CYTH2: variants seen among roughly 807,000 people sequenced by gnomAD.
The protein encoded by CYTH2 is cytohesin-2.
Under a neutral mutation model 55.4 loss-of-function variants are expected in CYTH2, and 24 were observed. The observed-to-expected ratio is 0.43, with a 90% confidence interval of 0.31 to 0.61. The LOEUF is 0.61. Among genes scored for constraint, CYTH2 ranks in the 20% least tolerant of loss-of-function variants. The probability of loss-of-function intolerance (pLI) is 0.08; values close to 1 mark genes in which losing one functional copy is unlikely to be tolerated. For synonymous variants in CYTH2, 221 were observed against 209.6 expected (o/e 1.05, Z -0.47); for missense variants, 378 against 533.5 (o/e 0.71, Z 2.87).
At chr19:48,478,172 G>A (rs1971958957) in intron 9 of CYTH2, 27 bp downstream of exon 9, 3 of 1,613,412 alleles carry the variant, frequency 1.9e-6, no homozygotes, top group Middle Eastern at 1.7e-4. Flanking sequence ...CCGGGCTCTG[G>A]GGTCCTGGGC....
rs553287257 is a variant in CYTH2, at chr19:48,472,410, A to G, written c.320A>G (p.Asn107Ser). The change falls in exon 4 of 12, where the codon AAC becomes AGC. Residue 107 changes from asparagine (N) to serine (S), a missense_variant. Asn to Ser is a conservative substitution (Grantham distance 46). Transcript: ENST00000452733. Reference sequence around the variant, plus strand: ...TTCCTGTACAAGGGCGAGGGGCTGAACAAGACAGCCATCGGGGACTACCTG... The same window carrying G: ...TTCCTGTACAAGGGCGAGGGGCTGAGCAAGACAGCCATCGGGGACTACCTG... ...ARFLYKGEGL[N>S]KTAIGDYLGE... is the part of the protein sequence containing the mutation. 26 of 1,613,906 alleles carry G rather than the reference A, an allele frequency of 1.6e-5. No homozygotes were observed. The African/African-American group carries it at 3.2e-4, about 20-fold the overall frequency.
Position 48,473,139 on chromosome 19 carries a change from T to TG in CYTH2, c.354-154dup, listed in dbSNP as rs1971838296. On this transcript the variant is annotated intron_variant, in intron 4 of 11. Transcript: ENST00000452733. ...AGTGTGTTCTGAGCATCCCCCACCC[T>TG]GGGGGCAGGCCTGTGTGGGAGTCCA... The TG allele has an allele frequency of 4.2e-6, 3 of 717,488 alleles. No homozygotes were observed. The Admixed American group carries it at 6.9e-5, about 17-fold the overall frequency. 44.4% of individuals were successfully genotyped at this position (717,488 alleles called of 1,614,324 possible).
chr19:48,475,283 C>A lies in CYTH2; in HGVS notation c.808+334C>A, dbSNP rs185882693. 414 of 289,738 alleles carry A rather than the reference C, an allele frequency of 1.4e-3. 3 individuals are homozygous for A. Among genetic ancestry groups the A allele is most frequent in the African/African-American group, 8.3e-3 (374 of 44,880 alleles). 17.9% of individuals were successfully genotyped at this position (289,738 alleles called of 1,614,324 possible). Reference sequence around the variant, plus strand: ...GAGAAGAGTTCACTCAGGCTTCTTTCCACTGCGTTAACCCAGCCCGAGGGA... The same window carrying A: ...GAGAAGAGTTCACTCAGGCTTCTTTACACTGCGTTAACCCAGCCCGAGGGA... On this transcript the variant is annotated intron_variant, in intron 8 of 11. Coordinates refer to ENST00000452733, the MANE Select transcript of CYTH2 (RefSeq NM_004228.7).
intron 3 of CYTH2, among the ~76,000 whole-genome samples, chr19:48,470,890 G>T (rs1971779610): frequency 2.0e-5 from 3 of 152,142 alleles, no homozygotes; most frequent in Admixed American, 2.0e-4. Flanking sequence ...TGCCTGGAAG[G>T]TCGTCTTCCA....
rs1971873654 is a variant in CYTH2, at chr19:48,474,691, TCTGCCTTTCACTTCC to T, written c.697-144_697-130del. 2 of 693,522 alleles carry T rather than the reference TCTGCCTTTCACTTCC, an allele frequency of 2.9e-6. No individual in the cohort carries two copies. Among genetic ancestry groups the T allele is most frequent in the Non-Finnish European group, 5.0e-6 (2 of 403,336 alleles). The allele number at this position is 693,522 out of a possible 1,614,324, so 43.0% of individuals were successfully genotyped here. ...CGCCACCTCAGCCTCCCTCCACTTC[TCTGCCTTTCACTTCC>T]CTCTCCTCCCCACTACCCCTCTCTC... On this transcript the variant is annotated intron_variant, in intron 7 of 11. Transcript: ENST00000452733. The surrounding 1 kb of genome is among the most constrained non-coding windows in gnomAD (Gnocchi z 4.9).
intron 3 of CYTH2, among the ~76,000 whole-genome samples, chr19:48,471,438 C>T (rs943884114): frequency 6.6e-6 from 1 of 152,208 alleles, no homozygotes; most frequent in African/African-American, 2.4e-5. Context: ...AGGCATGAGC[C>T]ACCGTGCCTG....
rs1972044068 is a variant in CYTH2, at chr19:48,481,497, T to TG, written c.*2287_*2288insG. On this transcript the variant is annotated 3_prime_UTR_variant, in exon 12 of 12. Coordinates refer to ENST00000452733, the MANE Select transcript of CYTH2 (RefSeq NM_004228.7). Reference sequence around the variant, plus strand: ...CTTCTGATTTTTTTTGTAGGTTTTTTTTTTTGTTTTTTGTTTTGTTTTGTT... The same window carrying TG: ...CTTCTGATTTTTTTTGTAGGTTTTTTGTTTTTGTTTTTTGTTTTGTTTTGTT... The TG allele has an allele frequency of 2.7e-5, 5 of 186,490 alleles. No individual in the cohort carries two copies. The South Asian group carries it at 3.4e-4, about 13-fold the overall frequency. 11.6% of individuals were successfully genotyped at this position (186,490 alleles called of 1,614,324 possible).
At position 48,474,453 on chromosome 19, in the gene CYTH2, C is replaced by T; in HGVS notation, c.696+123C>T. ...CACCCCCAAGATGGTGCGATCATGC[C>T]AACTCGTGTGTGATCTTTTTCTCTC... On this transcript the variant is annotated intron_variant, in intron 7 of 11. Coordinates refer to ENST00000452733, the MANE Select transcript of CYTH2 (RefSeq NM_004228.7). This position sits in a 1 kb window ranked among gnomAD's most constrained non-coding sequence, Gnocchi z 4.9. The T allele has an allele frequency of 9.6e-7, 1 of 1,037,336 alleles. No homozygotes were observed. 64.3% of individuals were successfully genotyped at this position (1,037,336 alleles called of 1,614,324 possible). A position where few individuals can be genotyped will look rare whatever the true frequency, so the allele number is the denominator to read the frequency against.
chr19:48,469,592 C>T (rs1971740372), intron 1 of CYTH2, 66 bp downstream of exon 1: 2 of 1,318,358 alleles, frequency 1.5e-6, no homozygotes, highest in Non-Finnish European at 1.9e-6. Flanking sequence ...CGTTCCGCCG[C>T]GAACGTTTCC....
chr19:48,470,106 C>T, intron 1 of CYTH2: 4 of 699,140 alleles, frequency 5.7e-6, no homozygotes, highest in Admixed American at 4.1e-5. Context: ...AGCTCAGGCA[C>T]CCATTCCCCT....
intron 5 of CYTH2, 118 bp from the exon 6 acceptor site, chr19:48,473,787 C>G (rs151325195): frequency 3.9e-6 from 3 of 779,130 alleles, no homozygotes; most frequent in Non-Finnish European, 6.1e-6. Flanking sequence ...ATACCTGAAA[C>G]AACTGCTGAG....
At chr19:48,475,644 C>T (rs1601025355) in intron 8 of CYTH2, 1 of 165,078 alleles carries the variant, frequency 6.1e-6, no homozygotes, top group Non-Finnish European at 1.3e-5. Context: ...GAGGGGTTAG[C>T]ACAAGGACTA....
At chr19:48,470,794 C>T (rs2147502749) in intron 3 of CYTH2, 125 bp downstream of exon 3, 1 of 1,020,188 alleles carries the variant, frequency 9.8e-7, no homozygotes, top group Non-Finnish European at 1.5e-6. Flanking sequence ...GGTCCTAATC[C>T]CTGGATTCAG....
Position 48,478,214 on chromosome 19 carries a change from G to A in CYTH2, c.886-61G>A. On this transcript the variant is annotated intron_variant, in intron 9 of 11. Transcript: ENST00000452733. ...GCTGGGAGCCTGGACTCCTGGGGCT[G>A]AGGGAGGTGGGGTGGGGTGAGGACT... 5 of 1,612,692 alleles carry A rather than the reference G, an allele frequency of 3.1e-6. No homozygotes were observed. The South Asian group carries it at 5.5e-5, about 18-fold the overall frequency.
At chr19:48,478,931 A>ACTC in intron 11 of CYTH2, among the ~76,000 whole-genome samples, 192 bp from the exon 12 acceptor site, 1 of 119,576 alleles carries the variant, frequency 8.4e-6, no homozygotes, top group African/African-American at 3.3e-5. Context: ...GGGGGCCTGG[A>ACTC]CTCCTGGGTC....
rs1218711173 is a variant in CYTH2, at chr19:48,479,994, A to G, written c.*784A>G. 2.0e-5 allele frequency: 3 copies of G among 152,336 alleles called. No individual in the cohort carries two copies. Among genetic ancestry groups the G allele is most frequent in the Admixed American group, 6.5e-5 (1 of 15,290 alleles). The allele number at this position is 152,336 out of a possible 1,614,324, so 9.4% of individuals were successfully genotyped here. A position where few individuals can be genotyped will look rare whatever the true frequency, so the allele number is the denominator to read the frequency against. ...AAAGGATCAGCCTCCTTTGGAGGAC[A>G]TTTTGTGTCAAGGATAGGGCTGAGG... On this transcript the variant is annotated 3_prime_UTR_variant, in exon 12 of 12. Transcript: ENST00000452733.
Position 48,472,454 on chromosome 19 carries a change from C to T in CYTH2, c.353+11C>T, listed in dbSNP as rs377576153. ...CTACCTGGGGGAGAGGTACGGTCAC[C>T]ACTCAGCTCCTGTGGGGCCCCTCCC... On this transcript the variant is annotated intron_variant, in intron 4 of 11. Transcript: ENST00000452733. The T allele has an allele frequency of 1.2e-6, 2 of 1,610,594 alleles. No individual in the cohort carries two copies. The highest frequency in any genetic ancestry group is 1.3e-5 in the African/African-American group (1 of 74,842).
chr19:48,481,824 C>T lies in CYTH2; in HGVS notation c.*2614C>T, dbSNP rs1199104322. On this transcript the variant is annotated 3_prime_UTR_variant, in exon 12 of 12. Transcript: ENST00000452733. ...CACCGCGCCAGGCCTCAGCCCACTT[C>T]TTTTGGGTGGCAATGGTTTGGATAT... 1 of 152,390 alleles carries T rather than the reference C, an allele frequency of 6.6e-6. No homozygotes were observed. The highest frequency in any genetic ancestry group is 2.4e-5 in the African/African-American group (1 of 41,426). The allele number at this position is 152,390 out of a possible 1,614,324, so 9.4% of individuals were successfully genotyped here.
At position 48,469,507 on chromosome 19, in the gene CYTH2, C is replaced by T. The variant is rs1971737854; in HGVS notation, c.-1C>T. 3.0e-6 allele frequency: 4 copies of T among 1,330,660 alleles called. No individual in the cohort carries two copies. Among genetic ancestry groups the T allele is most frequent in the Non-Finnish European group, 2.9e-6 (3 of 1,032,238 alleles). 82.4% of individuals were successfully genotyped at this position (1,330,660 alleles called of 1,614,324 possible). A position where few individuals can be genotyped will look rare whatever the true frequency, so the allele number is the denominator to read the frequency against. ...ATTCCCCGCGGGCCTTCCTAGCCGC[C>T]ATGGAGGACGGCGTCTATGGTAGGT... On this transcript the variant is annotated 5_prime_UTR_variant, in exon 1 of 12. Transcript: ENST00000452733.
Sources: gnomAD v4.1 joint callset for allele counts (sites outside exome capture counted in the v4.1 genomes callset) on GRCh38, gnomAD v4.1.1 for gene constraint, Gnocchi (gnomAD v3.1) non-coding constraint, MANE v1.5 for transcripts, NCBI Gene and HGNC (gene_info 2026-07-23, HGNC 2026-07-21) for gene names.